Variants in GDPD5 observed in about 807,000 individuals in gnomAD.
The protein encoded by GDPD5 is glycerophosphodiester phosphodiesterase 2.
Under a neutral mutation model 75.1 loss-of-function variants are expected in GDPD5, and 48 were observed. The observed-to-expected ratio is 0.64, with a 90% CI of 0.51 to 0.81. The LOEUF (loss-of-function observed/expected upper bound fraction) is 0.81, where lower values mean the gene tolerates loss of function less well. GDPD5 is among the 40% of genes least tolerant of loss of function. The pLI is 0.00. For synonymous variants in GDPD5, 336 were observed against 339.0 expected (o/e 0.99, Z 0.10); for missense variants, 706 against 822.6 (o/e 0.86, Z 1.73).
intron 4 of GDPD5, among the ~76,000 whole-genome samples, chr11:75,458,845 C>A (rs946886989): frequency 2.6e-5 from 4 of 152,032 alleles, no homozygotes; most frequent in South Asian, 2.1e-4. Flanking sequence ...TGCAGGGATG[C>A]GAACATGGCT....
At chr11:75,457,555 A>G (rs747832519) in intron 5 of GDPD5, 138 bp downstream of exon 5, 15 of 599,972 alleles carry the variant, frequency 2.5e-5, no homozygotes, top group Non-Finnish European at 4.1e-5. Context: ...CTTAGGATAC[A>G]TTCCTACAAA....
chr11:75,444,698 T>C (rs479574), intron 9 of GDPD5, among the ~76,000 whole-genome samples: 49,474 of 152,110 alleles, frequency 0.33, 10,194 homozygotes, highest in Non-Finnish European at 0.49. Flanking sequence ...GCCTACCTCA[T>C]TGGTTTTACT....
chr11:75,507,379 C>T (rs999476964), intron 1 of GDPD5, among the ~76,000 whole-genome samples: 2 of 152,226 alleles, frequency 1.3e-5, no homozygotes, highest in Admixed American at 1.3e-4. Flanking sequence ...CCACTTCTTC[C>T]AACATCCTCA....
At chr11:75,480,485 CG>C (rs1949887100) in intron 2 of GDPD5, among the ~76,000 whole-genome samples, 1 of 152,156 alleles carries the variant, frequency 6.6e-6, no homozygotes, top group South Asian at 2.1e-4. Flanking sequence ...GCTGGGACTA[CG>C]GGTATGTGCT....
In GDPD5 at chr11:75,506,481, G is replaced by A. The variant is rs548175516; in HGVS notation, c.-144-16161C>T. ...CTGGCTGGGAGGCCTGATATGATCCGGCTGCTACTTAAATCGCACAAAGCC... is the reference window on the plus strand; with the variant it reads ...CTGGCTGGGAGGCCTGATATGATCCAGCTGCTACTTAAATCGCACAAAGCC... On this transcript the variant is annotated intron_variant, in intron 1 of 16. Transcript: ENST00000336898. Among the ~76,000 whole-genome samples the A allele has an allele frequency of 5.3e-5, 8 of 152,272 alleles. No homozygotes were observed. In the South Asian group the frequency reaches 1.2e-3, roughly 24 times the overall value.
At chr11:75,444,278 C>A in intron 10 of GDPD5, 135 bp downstream of exon 10, 1 of 673,466 alleles carries the variant, frequency 1.5e-6, no homozygotes, top group East Asian at 2.6e-5. Context: ...GGTGCCTGCC[C>A]TGCTGTGGAT....
intron 1 of GDPD5, among the ~76,000 whole-genome samples, chr11:75,524,315 G>A (rs1253377044): frequency 6.6e-6 from 1 of 152,210 alleles, no homozygotes; most frequent in Admixed American, 6.5e-5. Context: ...CCTCATACAT[G>A]GTCGCCCAGA....
chr11:75,480,360 G>A (rs951449148), intron 2 of GDPD5, among the ~76,000 whole-genome samples: 5 of 151,904 alleles, frequency 3.3e-5, no homozygotes, highest in African/African-American at 9.7e-5. Context: ...TGTGTCATAT[G>A]GTAACTTTTG....
At chr11:75,468,141 C>A (rs1355233587) in intron 3 of GDPD5, among the ~76,000 whole-genome samples, 1 of 152,194 alleles carries the variant, frequency 6.6e-6, no homozygotes, top group Admixed American at 6.5e-5. Context: ...AGACTGCAGC[C>A]CCAGGCCAAA....
chr11:75,477,822 G>A, intron 2 of GDPD5, 27 bp from the exon 3 acceptor site: 2 of 874,558 alleles, frequency 2.3e-6, no homozygotes, highest in Non-Finnish European at 3.5e-6. Flanking sequence ...AGGGCAGTGA[G>A]GCAGGGGAAG....
chr11:75,445,397 C>G (rs914097232), intron 9 of GDPD5, among the ~76,000 whole-genome samples: 1 of 152,174 alleles, frequency 6.6e-6, no homozygotes, highest in Non-Finnish European at 1.5e-5. Flanking sequence ...CCCCATGTGC[C>G]CCTTAGAGAT....
intron 3 of GDPD5, among the ~76,000 whole-genome samples, chr11:75,470,262 A>C (rs1329921234): frequency 1.3e-5 from 2 of 152,264 alleles, no homozygotes; most frequent in African/African-American, 2.4e-5. Flanking sequence ...TTATGGGCTT[A>C]TAAAAGCTTT....
chr11:75,471,942 C>G (rs1592106286), intron 3 of GDPD5, among the ~76,000 whole-genome samples: 1 of 152,164 alleles, frequency 6.6e-6, no homozygotes, highest in Admixed American at 6.5e-5. Flanking sequence ...AGGAATCCTG[C>G]AGTTTTAGAA....
intron 4 of GDPD5, among the ~76,000 whole-genome samples, chr11:75,462,198 T>C (rs926707474): frequency 1.3e-5 from 2 of 152,184 alleles, no homozygotes; most frequent in Non-Finnish European, 2.9e-5. Flanking sequence ...CCTGCCCCGG[T>C]TGAGCCCTGG....
rs1467871134 is a variant in GDPD5, at chr11:75,462,654, G to A, written c.221+132C>T. 3 of 685,302 alleles carry A rather than the reference G, an allele frequency of 4.4e-6. No individual in the cohort carries two copies. In the East Asian group the frequency reaches 8.2e-5, roughly 19 times the overall value. 42.5% of individuals were successfully genotyped at this position (685,302 alleles called of 1,614,324 possible). On this transcript the variant is annotated intron_variant, in intron 4 of 16. Transcript: ENST00000336898. ...TCCCAGGGAGTAGGCCCTGCCCAGG[G>A]CCACACAGAGAGCTGGTGGCAGAGC...
intron 16 of GDPD5, among the ~76,000 whole-genome samples, chr11:75,436,647 A>C (rs1392122500): frequency 6.6e-6 from 1 of 151,914 alleles, no homozygotes; most frequent in Non-Finnish European, 1.5e-5. Flanking sequence ...GGCCTTCAAA[A>C]CAGACTCCTC....
At chr11:75,496,721 T>C (rs1187925747) in intron 1 of GDPD5, among the ~76,000 whole-genome samples, 1 of 152,026 alleles carries the variant, frequency 6.6e-6, no homozygotes, top group African/African-American at 2.4e-5. Context: ...GTACGCTATC[T>C]GACGCCTCTT....
intron 3 of GDPD5, among the ~76,000 whole-genome samples, chr11:75,464,653 C>T (rs1949480599): frequency 2.0e-5 from 3 of 152,134 alleles, no homozygotes; most frequent in Admixed American, 1.3e-4. Flanking sequence ...GCAAAGGTGA[C>T]GACACCCTGA....
Position 75,505,123 on chromosome 11 carries a change from G to GAA in GDPD5, c.-144-14805_-144-14804dup, listed in dbSNP as rs200953760. Among the ~76,000 whole-genome samples, 404 of 142,784 alleles carry GAA rather than the reference G, an allele frequency of 2.8e-3. 1 individual carries two copies. The highest frequency in any genetic ancestry group is 9.4e-3 in the African/African-American group (369 of 39,060). The allele number at this position is 142,784 out of a possible 152,430, so 93.7% of individuals were successfully genotyped here. On this transcript the variant is annotated intron_variant, in intron 1 of 16. Coordinates refer to ENST00000336898, the MANE Select transcript of GDPD5 (RefSeq NM_030792.8). ...GGTGACAGAGCGAGACTCCATCTCA[G>GAA]AAAAAAAAAAACAACAAAAAAAACC... is the stretch of plus-strand genomic sequence containing the variant.
Sources: gnomAD v4.1 joint callset for allele counts (sites outside exome capture counted in the v4.1 genomes callset) on GRCh38, gnomAD v4.1.1 for gene constraint, MANE v1.5 for transcripts, NCBI Gene and HGNC (gene_info 2026-07-23, HGNC 2026-07-21) for gene names.